Variants in CACNA2D1 observed in about 807,000 individuals in gnomAD.
CACNA2D1 encodes the protein voltage-dependent calcium channel subunit alpha-2/delta-1.
CACNA2D1 carries 53 observed loss-of-function variants against 171.5 expected under a neutral mutation model. The observed-to-expected ratio is 0.31, with a 90% confidence interval of 0.25 to 0.39. The LOEUF (loss-of-function observed/expected upper bound fraction) is 0.39, where lower values mean the gene tolerates loss of function less well. Among genes scored for constraint, CACNA2D1 ranks in the 10% least tolerant of loss-of-function variants. CACNA2D1 has a pLI of 1.00. For missense variants in CACNA2D1, 903 were observed against 1,299.8 expected (o/e 0.69, Z 4.69); for synonymous variants, 442 against 443.1 (o/e 1.00, Z 0.03).
intron 12 of CACNA2D1, among the ~76,000 whole-genome samples, chr7:82,016,556 T>G (rs1800478241): frequency 6.6e-6 from 1 of 150,784 alleles, no homozygotes; most frequent in Non-Finnish European, 1.5e-5. Context: ...TCCACACATA[T>G]GATTATTTGA....
At chr7:82,362,017 T>C (rs1585654184) in intron 1 of CACNA2D1, among the ~76,000 whole-genome samples, 1 of 152,314 alleles carries the variant, frequency 6.6e-6, no homozygotes, top group African/African-American at 2.4e-5. Flanking sequence ...AGCAAAGACT[T>C]GAAAACTGAA....
At chr7:82,033,380 T>A (rs1306349069) in intron 11 of CACNA2D1, among the ~76,000 whole-genome samples, 1 of 152,078 alleles carries the variant, frequency 6.6e-6, no homozygotes, top group Non-Finnish European at 1.5e-5. Flanking sequence ...AAAATCTCAG[T>A]AGTTTATTAA....
At chr7:82,238,532 T>C (rs1017565042) in intron 3 of CACNA2D1, among the ~76,000 whole-genome samples, 1 of 151,994 alleles carries the variant, frequency 6.6e-6, no homozygotes, top group Non-Finnish European at 1.5e-5. Context: ...TACAATGAGA[T>C]ACCATCAGAA....
At chr7:81,990,319 T>C (rs1797413350) in intron 21 of CACNA2D1, among the ~76,000 whole-genome samples, 1 of 152,204 alleles carries the variant, frequency 6.6e-6, no homozygotes, top group South Asian at 2.1e-4. Flanking sequence ...TTTGAGCTTA[T>C]GTTTTTTCTT....
intron 1 of CACNA2D1, among the ~76,000 whole-genome samples, chr7:82,361,732 G>A (rs1821100717): frequency 6.6e-6 from 1 of 152,064 alleles, no homozygotes. Context: ...CATGACTAAT[G>A]TACGTACAGT....
chr7:82,275,671 C>T (rs1006904918), intron 3 of CACNA2D1, among the ~76,000 whole-genome samples: 18 of 152,056 alleles, frequency 1.2e-4, no homozygotes. Context: ...TTCATCCTGC[C>T]AAGCTGATTA....
chr7:82,279,029 C>T (rs1809731478), intron 3 of CACNA2D1, among the ~76,000 whole-genome samples: 1 of 152,188 alleles, frequency 6.6e-6, no homozygotes, highest in Non-Finnish European at 1.5e-5. Context: ...CTCAGCCACC[C>T]ATCCCAGCAT....
chr7:82,368,676 T>C (rs548466802), intron 1 of CACNA2D1, among the ~76,000 whole-genome samples: 251 of 152,272 alleles, frequency 1.6e-3, no homozygotes, highest in Non-Finnish European at 3.2e-3. Context: ...TAAAATAAAT[T>C]ACAGCCATAG....
intron 3 of CACNA2D1, among the ~76,000 whole-genome samples, chr7:82,170,814 T>C (rs1421345812): frequency 6.6e-6 from 1 of 152,036 alleles, no homozygotes; most frequent in East Asian, 1.9e-4. Context: ...ATATAAATAA[T>C]ATACTATTCT....
chr7:82,145,555 G>A (rs1489177217), intron 4 of CACNA2D1, among the ~76,000 whole-genome samples: 5 of 130,740 alleles, frequency 3.8e-5, no homozygotes, highest in Non-Finnish European at 8.0e-5. Flanking sequence ...GTATATATGT[G>A]CGTATATATA....
intron 1 of CACNA2D1, among the ~76,000 whole-genome samples, chr7:82,433,628 T>C (rs1057229905): frequency 6.6e-6 from 1 of 152,206 alleles, no homozygotes; most frequent in Non-Finnish European, 1.5e-5. Context: ...CATTCATCCA[T>C]CAATCATGGC....
chr7:82,206,799 A>C (rs977070991), intron 3 of CACNA2D1, among the ~76,000 whole-genome samples: 1 of 152,192 alleles, frequency 6.6e-6, no homozygotes, highest in African/African-American at 2.4e-5. Context: ...AGAGATATAG[A>C]TATGTTTATA....
At chr7:82,133,341 G>C (rs1428004144) in intron 5 of CACNA2D1, among the ~76,000 whole-genome samples, 1 of 152,074 alleles carries the variant, frequency 6.6e-6, no homozygotes, top group Non-Finnish European at 1.5e-5. Context: ...AAAAAACATG[G>C]GTTTCCCATG....
intron 1 of CACNA2D1, among the ~76,000 whole-genome samples, chr7:82,396,916 G>C (rs983904196): frequency 1.3e-5 from 2 of 152,140 alleles, no homozygotes; most frequent in African/African-American, 4.8e-5. Context: ...AAGTCTAACA[G>C]AATTCCAAAC....
At chr7:82,285,110 A>G (rs1404149128) in intron 3 of CACNA2D1, among the ~76,000 whole-genome samples, 1 of 152,010 alleles carries the variant, frequency 6.6e-6, no homozygotes, top group East Asian at 1.9e-4. Context: ...ATCACTGCAC[A>G]TAGACATGTA....
Position 82,412,101 on chromosome 7 carries a change from T to C in CACNA2D1, c.95+31264A>G, listed in dbSNP as rs187265664. ...GATCAAGACACCAGGCCTGTATATA[T>C]ACTTCAAAACATCAGGTACATAATA... On this transcript the variant is annotated intron_variant, in intron 1 of 38. Coordinates refer to ENST00000356860, the MANE Select transcript of CACNA2D1 (RefSeq NM_000722.4). 3.6e-3 allele frequency among the ~76,000 whole-genome samples: 554 copies of C among 152,168 alleles called. 8 individuals are homozygous for C. The highest frequency in any genetic ancestry group is 0.012 in the African/African-American group (516 of 41,526).
intron 3 of CACNA2D1, among the ~76,000 whole-genome samples, chr7:82,266,544 T>C (rs967374939): frequency 2.0e-5 from 3 of 152,088 alleles, no homozygotes; most frequent in South Asian, 4.1e-4. Flanking sequence ...GAGATGGATT[T>C]TTGCTCTTGT....
At chr7:82,402,172 G>A (rs1826502370) in intron 1 of CACNA2D1, among the ~76,000 whole-genome samples, 1 of 152,176 alleles carries the variant, frequency 6.6e-6, no homozygotes. Flanking sequence ...CATTCACAAG[G>A]AGGCTGGGAA....
rs1792243983 is a variant in CACNA2D1 at position 81,948,741 on chromosome 7, A to G, written c.*1651T>C. 6.6e-6 allele frequency: 1 copy of G among 151,966 alleles called. No individual in the cohort carries two copies. The highest frequency in any genetic ancestry group is 2.1e-4 in the South Asian group (1 of 4,838). 9.4% of individuals were successfully genotyped at this position (151,966 alleles called of 1,614,324 possible). ...GAAAAACTGCATTTTATCATAAAAAATATCTACATACGTTCAGCCTTCAGT... is the reference window on the plus strand; with the variant it reads ...GAAAAACTGCATTTTATCATAAAAAGTATCTACATACGTTCAGCCTTCAGT... On this transcript the variant is annotated 3_prime_UTR_variant, in exon 39 of 39. Transcript: ENST00000356860.
Sources: gnomAD v4.1 joint callset for allele counts (sites outside exome capture counted in the v4.1 genomes callset) on GRCh38, gnomAD v4.1.1 for gene constraint, MANE v1.5 for transcripts, NCBI Gene and HGNC (gene_info 2026-07-23, HGNC 2026-07-21) for gene names.